DSCAM: variants seen among roughly 807,000 people sequenced by gnomAD.
DSCAM encodes the protein DS cell adhesion molecule, also known as cell adhesion molecule DSCAM.
Under a neutral mutation model 217.7 loss-of-function variants are expected in DSCAM, and 47 were observed. The observed-to-expected ratio is 0.22, with a 90% CI of 0.17 to 0.28. The LOEUF (loss-of-function observed/expected upper bound fraction) is 0.28, where lower values mean the gene tolerates loss of function less well. Among genes scored for constraint, DSCAM ranks in the 10% least tolerant of loss-of-function variants. DSCAM has a pLI of 1.00. For synonymous variants in DSCAM, 1,056 were observed against 1,015.3 expected, an observed-to-expected ratio of 1.04 and a Z score of -0.76; for missense variants, 2,080 against 2,618.3, an observed-to-expected ratio of 0.79 and a Z score of 4.49.
At chr21:40,457,529 A>AAAAC (rs34271830) in intron 3 of DSCAM, among the ~76,000 whole-genome samples, 49,887 of 150,838 alleles carry the variant, frequency 0.33, 8,933 homozygotes, top group African/African-American at 0.45. Flanking sequence ...ATAATAAAAT[A>AAAAC]AAACAAACAA....
At chr21:40,440,250 G>T (rs1264584864) in intron 3 of DSCAM, among the ~76,000 whole-genome samples, 3 of 152,184 alleles carry the variant, frequency 2.0e-5, no homozygotes, top group African/African-American at 7.2e-5. Context: ...TAGAAGAAGG[G>T]TAATCACAAA....
rs1178872707 is a variant in DSCAM, at chr21:40,620,273, AAG to A, written c.508+72535_508+72536del. 1.1e-3 allele frequency among the ~76,000 whole-genome samples: 122 copies of A among 106,240 alleles called. 1 individual carries two copies. The highest frequency in any genetic ancestry group is 3.4e-3 in the African/African-American group (77 of 22,850). The allele number at this position is 106,240 out of a possible 152,430, so 69.7% of individuals were successfully genotyped here. ...GAGAGAGAAAAAAGAAAAAGAAAGA[AAG>A]AGAGAAAGAGAGAGAAAAAAGAAAA... is the stretch of plus-strand genomic sequence containing the variant. On this transcript the variant is annotated intron_variant, in intron 3 of 32. Transcript: ENST00000400454.
In DSCAM at chr21:40,198,776, G is replaced by A. The variant is rs77833611; in HGVS notation, c.2357-9538C>T. 4.0e-3 allele frequency among the ~76,000 whole-genome samples: 613 copies of A among 152,352 alleles called. 5 individuals carry two copies. Among genetic ancestry groups the A allele is most frequent in the African/African-American group, 0.014 (595 of 41,590 alleles). ...CAGTGGGAGGTGGGATGACATGGGA[G>A]CTGTGGCTCCACATACCCTGTTCAT... is the stretch of plus-strand genomic sequence containing the variant. On this transcript the variant is annotated intron_variant, in intron 11 of 32. Transcript: ENST00000400454.
intron 8 of DSCAM, among the ~76,000 whole-genome samples, chr21:40,334,444 C>G (rs965953947): frequency 1.3e-5 from 2 of 152,122 alleles, no homozygotes; most frequent in African/African-American, 4.8e-5. Flanking sequence ...ACACCTGTAT[C>G]CAACCACTAG....
chr21:40,124,086 G>T, intron 20 of DSCAM, 109 bp downstream of exon 20: 1 of 1,494,864 alleles, frequency 6.7e-7, no homozygotes, highest in Non-Finnish European at 9.1e-7. Context: ...CAAAACCACT[G>T]GAAAGACCCA....
chr21:40,802,422 T>A (rs1406939312), intron 1 of DSCAM, among the ~76,000 whole-genome samples: 1 of 152,098 alleles, frequency 6.6e-6, no homozygotes, highest in Non-Finnish European at 1.5e-5. Flanking sequence ...GTTAAGACTT[T>A]GGGGTTATGG....
At chr21:40,590,221 G>T (rs985564996) in intron 3 of DSCAM, among the ~76,000 whole-genome samples, 1 of 152,240 alleles carries the variant, frequency 6.6e-6, no homozygotes, top group African/African-American at 2.4e-5. Flanking sequence ...TTACATGGAA[G>T]TATGTAAATA....
intron 3 of DSCAM, among the ~76,000 whole-genome samples, chr21:40,515,197 A>G (rs1175484915): frequency 2.0e-5 from 3 of 152,240 alleles, no homozygotes; most frequent in Non-Finnish European, 4.4e-5. Context: ...AAATAAAAAT[A>G]ACTTTTGCAC....
At chr21:40,622,089 T>A (rs1189042870) in intron 3 of DSCAM, among the ~76,000 whole-genome samples, 1 of 152,180 alleles carries the variant, frequency 6.6e-6, no homozygotes, top group Non-Finnish European at 1.5e-5. Context: ...GACTTTTAAA[T>A]ACTCAGTTGA....
intron 18 of DSCAM, among the ~76,000 whole-genome samples, chr21:40,138,300 C>T (rs9975693): frequency 0.61 from 91,710 of 149,134 alleles, 28,004 homozygotes; most frequent in East Asian, 0.69. Context: ...TACCTGTGTG[C>T]GTGGTGTGTG....
intron 3 of DSCAM, among the ~76,000 whole-genome samples, chr21:40,495,593 A>G (rs2076111926): frequency 6.6e-6 from 1 of 152,198 alleles, no homozygotes; most frequent in Admixed American, 6.5e-5. Flanking sequence ...ATGATGAAAA[A>G]TTGAAAGTTT....
intron 20 of DSCAM, among the ~76,000 whole-genome samples, chr21:40,114,603 G>A (rs897961019): frequency 4.6e-5 from 7 of 152,150 alleles, no homozygotes; most frequent in Admixed American, 3.3e-4. Flanking sequence ...CAGCAAAAGA[G>A]ACTACCATCA....
intron 15 of DSCAM, 111 bp from the exon 16 acceptor site, chr21:40,167,399 G>T: frequency 1.1e-6 from 1 of 902,060 alleles, no homozygotes; most frequent in Non-Finnish European, 1.8e-6. Flanking sequence ...GTTTGGCACA[G>T]AGAAAGAAGT....
intron 11 of DSCAM, among the ~76,000 whole-genome samples, chr21:40,195,866 TCAAA>T (rs369857963): frequency 1.8e-4 from 28 of 152,206 alleles, no homozygotes; most frequent in African/African-American, 6.8e-4. Flanking sequence ...TGAAAAAATT[TCAAA>T]CATACAGGAA....
intron 32 of DSCAM, among the ~76,000 whole-genome samples, chr21:40,025,782 C>T (rs1399333911): frequency 4.0e-5 from 6 of 150,940 alleles, no homozygotes; most frequent in Admixed American, 4.0e-4. Flanking sequence ...ATTAGTCTTG[C>T]TAGCAGTCTA....
At chr21:40,326,589 G>A (rs73229110) in intron 8 of DSCAM, among the ~76,000 whole-genome samples, 30 of 152,250 alleles carry the variant, frequency 2.0e-4, no homozygotes, top group South Asian at 4.1e-4. Flanking sequence ...GGGAATATTC[G>A]AACCAGAAAG....
At chr21:40,394,309 T>C (rs1412375474) in intron 3 of DSCAM, among the ~76,000 whole-genome samples, 1 of 152,268 alleles carries the variant, frequency 6.6e-6, no homozygotes, top group Non-Finnish European at 1.5e-5. Context: ...ATGAGAGGTC[T>C]GAGTTTCAGC....
intron 2 of DSCAM, among the ~76,000 whole-genome samples, chr21:40,705,252 T>C (rs781714483): frequency 2.0e-5 from 3 of 152,260 alleles, no homozygotes; most frequent in Non-Finnish European, 4.4e-5. Flanking sequence ...AAAGTTGCTA[T>C]ACAAATTTAT....
At chr21:40,022,122 T>C (rs993039919) in intron 32 of DSCAM, among the ~76,000 whole-genome samples, 2 of 152,236 alleles carry the variant, frequency 1.3e-5, no homozygotes, top group Admixed American at 6.5e-5. Context: ...GTTCTTGCTA[T>C]GGTTCTTGCT....
Sources: allele counts gnomAD v4.1 joint callset (sites outside exome capture counted in the v4.1 genomes callset), GRCh38; gene constraint gnomAD v4.1.1; transcripts MANE v1.5; gene names NCBI Gene and HGNC (gene_info 2026-07-23, HGNC 2026-07-21).